Variants in CPNE4 observed in about 807,000 individuals in gnomAD.
The protein encoded by CPNE4 is copine 4, also known as copine-4.
In CPNE4, 25 loss-of-function variants were observed where a neutral mutation model predicts 67.9. That is an observed-to-expected ratio of 0.37 (90% CI 0.27 to 0.51). CPNE4 has a LOEUF of 0.51. CPNE4 is among the 20% of genes least tolerant of loss of function. The probability of loss-of-function intolerance (pLI) is 0.93; values close to 1 mark genes in which losing one functional copy is unlikely to be tolerated. For synonymous variants in CPNE4, 242 were observed against 244.9 expected (o/e 0.99, Z 0.11); for missense variants, 464 against 690.8 (o/e 0.67, Z 3.68).
chr3:131,602,293 C>T (rs377487310), intron 7 of CPNE4, among the ~76,000 whole-genome samples: 2 of 152,094 alleles, frequency 1.3e-5, no homozygotes, highest in African/African-American at 4.8e-5. Flanking sequence ...AAAACCCATC[C>T]ATAGAGAGAA....
intron 3 of CPNE4, among the ~76,000 whole-genome samples, chr3:131,705,850 T>C (rs1309474843): frequency 6.6e-6 from 1 of 152,320 alleles, no homozygotes; most frequent in East Asian, 1.9e-4. Context: ...AAGGACTGCT[T>C]GTGTATTAAT....
chr3:131,547,479 AAAAAAAAAAAAAAAAAAAAAAAC>A (rs1559876338), intron 14 of CPNE4, among the ~76,000 whole-genome samples: 1 of 141,144 alleles, frequency 7.1e-6, no homozygotes, highest in African/African-American at 2.7e-5. Context: ...AAAAAAAAAA[AAAAAAAAAAAAAAAAAAAAAAAC>A]CTAATAGTGT....
intron 7 of CPNE4, among the ~76,000 whole-genome samples, chr3:131,640,612 A>G (rs2079515492): frequency 2.0e-5 from 3 of 152,106 alleles, no homozygotes; most frequent in Non-Finnish European, 1.5e-5. Flanking sequence ...CACAAATTCA[A>G]TGCAATTCCC....
intron 2 of CPNE4, among the ~76,000 whole-genome samples, chr3:131,875,277 A>G (rs946308011): frequency 3.9e-5 from 6 of 152,210 alleles, no homozygotes; most frequent in African/African-American, 9.7e-5. Flanking sequence ...GCGATTCCTC[A>G]GGGATCTAGA....
chr3:131,691,436 T>C (rs1196022826), intron 5 of CPNE4, among the ~76,000 whole-genome samples: 1 of 152,160 alleles, frequency 6.6e-6, no homozygotes, highest in African/African-American at 2.4e-5. Context: ...CTAAGGGACT[T>C]AGCACGGCAA....
intron 1 of CPNE4, among the ~76,000 whole-genome samples, chr3:132,024,230 C>A (rs7619887): frequency 0.53 from 80,583 of 151,700 alleles, 22,047 homozygotes; most frequent in South Asian, 0.64. Flanking sequence ...ATTACAGGCA[C>A]ACACCACCAC....
At chr3:131,953,111 C>G (rs140702278) in intron 1 of CPNE4, among the ~76,000 whole-genome samples, 20,252 of 151,804 alleles carry the variant, frequency 0.13, 1,387 homozygotes, top group African/African-American at 0.16. Context: ...CTGCAGAGGG[C>G]CGCAGGGTCC....
chr3:131,700,058 T>A, intron 3 of CPNE4, 78 bp from the exon 4 acceptor site: 2 of 371,636 alleles, frequency 5.4e-6, no homozygotes, highest in Non-Finnish European at 8.3e-6. Context: ...TTAAACCTTT[T>A]TTTTTTTTTT....
At chr3:131,727,793 G>C (rs1368071850) in intron 2 of CPNE4, among the ~76,000 whole-genome samples, 1 of 152,022 alleles carries the variant, frequency 6.6e-6, no homozygotes, top group Non-Finnish European at 1.5e-5. Context: ...CTACTGATCT[G>C]CTTTCTGAGA....
intron 1 of CPNE4, among the ~76,000 whole-genome samples, chr3:131,942,772 A>G (rs1431679740): frequency 6.6e-6 from 1 of 152,124 alleles, no homozygotes; most frequent in African/African-American, 2.4e-5. Flanking sequence ...AGGCATTGCC[A>G]TATCCAGAAG....
At chr3:131,943,020 T>C (rs1202205064) in intron 1 of CPNE4, among the ~76,000 whole-genome samples, 2 of 152,132 alleles carry the variant, frequency 1.3e-5, no homozygotes, top group Non-Finnish European at 2.9e-5. Flanking sequence ...CAATTCCTTA[T>C]CTGAAACCCC....
intron 1 of CPNE4, among the ~76,000 whole-genome samples, chr3:131,928,508 A>G (rs1174029413): frequency 6.6e-6 from 1 of 152,120 alleles, no homozygotes; most frequent in African/African-American, 2.4e-5. Context: ...AATAGTGCAA[A>G]TCACCCATCT....
intron 1 of CPNE4, among the ~76,000 whole-genome samples, chr3:131,981,187 G>A (rs556205219): frequency 6.6e-6 from 1 of 152,020 alleles, no homozygotes; most frequent in Admixed American, 6.6e-5. Context: ...AGGAGGTGGC[G>A]CTTTCCAGAG....
chr3:132,005,364 C>T (rs1276492704), intron 1 of CPNE4, among the ~76,000 whole-genome samples: 47,315 of 83,270 alleles, frequency 0.57, 12,673 homozygotes, highest in South Asian at 0.7. Flanking sequence ...CACACACACA[C>T]ACACACACAT....
Position 131,872,327 on chromosome 3 carries a change from G to A in CPNE4, c.180+32937C>T, listed in dbSNP as rs2087250501. ...GTGAGTCAGTGAAGCTAGAGACCCA[G>A]GAGAGCCAATGGTATAGGTTCAGTC... On this transcript the variant is annotated intron_variant, in intron 2 of 15. Transcript: ENST00000429747. 2.0e-5 allele frequency among the ~76,000 whole-genome samples: 3 copies of A among 152,114 alleles called. No individual in the cohort carries two copies. The South Asian group carries it at 6.2e-4, about 32-fold the overall frequency.
intron 7 of CPNE4, among the ~76,000 whole-genome samples, chr3:131,649,274 G>A (rs2079746719): frequency 6.6e-6 from 1 of 152,200 alleles, no homozygotes; most frequent in Admixed American, 6.5e-5. Context: ...TTCTCACACA[G>A]ATTCTTCTCG....
chr3:132,036,227 C>A (rs1280552631), upstream of CPNE4, among the ~76,000 whole-genome samples: 6 of 152,224 alleles, frequency 3.9e-5, no homozygotes, highest in African/African-American at 9.7e-5. Flanking sequence ...TACACTGAAA[C>A]TACCACAGAA....
chr3:131,897,730 A>G (rs1027758743), intron 2 of CPNE4, among the ~76,000 whole-genome samples: 15 of 152,174 alleles, frequency 9.9e-5, no homozygotes, highest in African/African-American at 3.4e-4. Context: ...TCCCATCTCT[A>G]TGAAAAATAA....
chr3:132,008,610 C>T (rs1012693176), intron 1 of CPNE4, among the ~76,000 whole-genome samples: 13 of 152,110 alleles, frequency 8.5e-5, no homozygotes, highest in African/African-American at 2.7e-4. Context: ...TGCACATGGG[C>T]ATGAATGTGC....
Sources: gnomAD v4.1 joint callset for allele counts (sites outside exome capture counted in the v4.1 genomes callset) on GRCh38, gnomAD v4.1.1 for gene constraint, MANE v1.5 for transcripts, NCBI Gene and HGNC (gene_info 2026-07-23, HGNC 2026-07-21) for gene names.